Variants in PPP1R9A observed in about 807,000 individuals in gnomAD.
PPP1R9A encodes protein phosphatase 1 regulatory subunit 9A, also known as neurabin-1.
In PPP1R9A, 59 loss-of-function variants were observed where a neutral mutation model predicts 141.9. The observed-to-expected ratio is 0.42, with a 90% CI of 0.34 to 0.52. The LOEUF (loss-of-function observed/expected upper bound fraction) is 0.52, where lower values mean the gene tolerates loss of function less well. Ranked by LOEUF, PPP1R9A falls within the 20% of genes least tolerant of loss-of-function variation. The probability of loss-of-function intolerance (pLI) is 0.10; values close to 1 mark genes in which losing one functional copy is unlikely to be tolerated. For missense variants in PPP1R9A, 1,444 were observed against 1,611.9 expected (o/e 0.90, Z 1.78); for synonymous variants, 500 against 569.7 (o/e 0.88, Z 1.74).
At chr7:95,156,305 A>C (rs1193078712) in intron 4 of PPP1R9A, 3 of 152,338 alleles carry the variant, frequency 2.0e-5, no homozygotes, top group Admixed American at 2.0e-4. Flanking sequence ...GGCACCTGGA[A>C]GCTTGGAGAT....
At chr7:95,204,490 C>G (rs1563411601) in intron 7 of PPP1R9A, among the ~76,000 whole-genome samples, 1 of 152,070 alleles carries the variant, frequency 6.6e-6, no homozygotes, top group Non-Finnish European at 1.5e-5. Context: ...TCTATAGCAA[C>G]AGTCATTGTC....
intron 2 of PPP1R9A, among the ~76,000 whole-genome samples, chr7:95,046,467 G>A (rs1024545756): frequency 1.3e-5 from 2 of 152,158 alleles, no homozygotes; most frequent in Non-Finnish European, 2.9e-5. Flanking sequence ...ATGGCCTTTG[G>A]CATTGCCTAA....
chr7:95,237,765 C>A (rs1796917096), intron 8 of PPP1R9A, among the ~76,000 whole-genome samples: 1 of 151,792 alleles, frequency 6.6e-6, no homozygotes, highest in Admixed American at 6.6e-5. Flanking sequence ...CACTTTGTCC[C>A]AAATTATATT....
At chr7:95,120,937 G>A in intron 4 of PPP1R9A, 105 bp downstream of exon 4, 1 of 1,404,298 alleles carries the variant, frequency 7.1e-7, no homozygotes, top group Admixed American at 2.3e-5. Flanking sequence ...TTTTAGGATA[G>A]AATTTCAGGT....
chr7:95,121,905 C>A (rs1822679192), intron 4 of PPP1R9A, among the ~76,000 whole-genome samples: 2 of 152,176 alleles, frequency 1.3e-5, no homozygotes, highest in Non-Finnish European at 2.9e-5. Context: ...CCTCTCAACA[C>A]TGTTGCGTTA....
chr7:95,203,842 G>T (rs1301767441), intron 7 of PPP1R9A, 112 bp downstream of exon 7: 1 of 731,162 alleles, frequency 1.4e-6, no homozygotes, highest in East Asian at 2.9e-5. Context: ...AACTTCTCTA[G>T]AGTGATGTGT....
intron 2 of PPP1R9A, among the ~76,000 whole-genome samples, chr7:94,945,968 A>G (rs1177326108): frequency 6.6e-6 from 1 of 152,116 alleles, no homozygotes; most frequent in East Asian, 1.9e-4. Context: ...AGATTCCAAA[A>G]AAGTTCAAAA....
intron 14 of PPP1R9A, among the ~76,000 whole-genome samples, chr7:95,271,938 G>A (rs1277138647): frequency 6.6e-6 from 1 of 152,114 alleles, no homozygotes; most frequent in Admixed American, 6.6e-5. Context: ...GGATTTAATC[G>A]ATTTTAAATG....
intron 2 of PPP1R9A, among the ~76,000 whole-genome samples, chr7:95,104,844 A>T (rs965402120): frequency 3.3e-5 from 5 of 152,128 alleles, no homozygotes; most frequent in African/African-American, 1.2e-4. Flanking sequence ...TGTTAGTTTC[A>T]ATTTAGAGCT....
intron 2 of PPP1R9A, among the ~76,000 whole-genome samples, chr7:95,066,858 A>G (rs535035414): frequency 6.6e-6 from 1 of 152,338 alleles, no homozygotes; most frequent in East Asian, 1.9e-4. Context: ...GCCTTATTAA[A>G]TGTGCAATAA....
At chr7:95,251,041 T>A (rs12667554) in intron 10 of PPP1R9A, among the ~76,000 whole-genome samples, 1 of 152,020 alleles carries the variant, frequency 6.6e-6, no homozygotes, top group African/African-American at 2.4e-5. Flanking sequence ...CCATATTTCT[T>A]TTATTTCCTA....
At chr7:94,918,406 T>C (rs964113795) in intron 2 of PPP1R9A, among the ~76,000 whole-genome samples, 1 of 152,054 alleles carries the variant, frequency 6.6e-6, no homozygotes, top group Non-Finnish European at 1.5e-5. Flanking sequence ...AAAGGAAAGT[T>C]AGAAGGAGGG....
chr7:95,225,990 A>G lies in PPP1R9A; in HGVS notation c.1986A>G (p.Glu662=). The change falls in exon 8 of 20, where the codon GAA becomes GAG. Residue 662 remains glutamate, a synonymous_variant. Coordinates refer to ENST00000433360, the MANE Select transcript of PPP1R9A (RefSeq NM_001166160.2). ...KTGEYATDEE[E]DEVGPVLPGS... ...GAGAATATGCCACAGATGAAGAAGA[A>G]GATGAGGTAGGACCTGTCCTTCCTG... is the stretch of plus-strand genomic sequence containing the variant. 6.2e-7 allele frequency: 1 copy of G among 1,611,400 alleles called. No homozygotes were observed. The highest frequency in any genetic ancestry group is 2.2e-5 in the East Asian group (1 of 44,800).
chr7:95,233,938 A>G (rs1796327042), intron 8 of PPP1R9A, among the ~76,000 whole-genome samples: 1 of 152,234 alleles, frequency 6.6e-6, no homozygotes, highest in Non-Finnish European at 1.5e-5. Flanking sequence ...TCACATGGTC[A>G]TCTCAATAGA....
chr7:95,039,264 A>C (rs761810201), intron 2 of PPP1R9A, among the ~76,000 whole-genome samples: 5 of 152,158 alleles, frequency 3.3e-5, no homozygotes, highest in Admixed American at 6.6e-5. Flanking sequence ...TGGAGTCGAA[A>C]ACTCGAATAA....
At chr7:94,922,326 A>G (rs113746983) in intron 2 of PPP1R9A, among the ~76,000 whole-genome samples, 5 of 152,126 alleles carry the variant, frequency 3.3e-5, no homozygotes, top group African/African-American at 9.6e-5. Context: ...TCAGTTTGGT[A>G]GGTGAAAATA....
intron 2 of PPP1R9A, among the ~76,000 whole-genome samples, chr7:95,053,726 T>C (rs2152015825): frequency 6.6e-6 from 1 of 152,262 alleles, no homozygotes; most frequent in South Asian, 2.1e-4. Flanking sequence ...CATTGCTGTA[T>C]GTGGTGGTCT....
At chr7:95,152,461 T>C (rs1027362869) in intron 4 of PPP1R9A, among the ~76,000 whole-genome samples, 2 of 152,184 alleles carry the variant, frequency 1.3e-5, no homozygotes, top group African/African-American at 2.4e-5. Context: ...TTAACCCATT[T>C]ACAGCTTCCG....
chr7:95,233,152 AATGTGGCAC>A lies in PPP1R9A; in HGVS notation c.2112+7039_2112+7047del, dbSNP rs1172583965. On this transcript the variant is annotated intron_variant, in intron 8 of 19. Coordinates refer to ENST00000433360, the MANE Select transcript of PPP1R9A (RefSeq NM_001166160.2). ...CATCATTGATAGACTGGATAAAGAA[AATGTGGCAC>A]ATATACACCATGGAATACTATGCAG... is the stretch of plus-strand genomic sequence containing the variant. 4.6e-5 allele frequency among the ~76,000 whole-genome samples: 7 copies of A among 152,314 alleles called. No homozygotes were observed. In the East Asian group the frequency reaches 1.4e-3, roughly 29 times the overall value.
Sources: allele counts gnomAD v4.1 joint callset (sites outside exome capture counted in the v4.1 genomes callset), GRCh38; gene constraint gnomAD v4.1.1; transcripts MANE v1.5; gene names NCBI Gene and HGNC (gene_info 2026-07-23, HGNC 2026-07-21).